IST1: variants seen among roughly 807,000 people sequenced by gnomAD.
The protein encoded by IST1 is IST1 homolog.
Under a neutral mutation model 37.0 loss-of-function variants are expected in IST1, and 23 were observed. That is an observed-to-expected ratio of 0.62 (90% CI 0.45 to 0.88). The LOEUF (loss-of-function observed/expected upper bound fraction) is 0.88, where lower values mean the gene tolerates loss of function less well. Ranked by LOEUF, IST1 falls within the 40% of genes least tolerant of loss-of-function variation. The pLI is 0.00. For synonymous variants in IST1, 180 were observed against 161.7 expected (o/e 1.11, Z -0.86); for missense variants, 488 against 445.4 (o/e 1.10, Z -0.86).
In IST1 at chr16:71,930,147, T is replaced by C; in HGVS notation, c.*2334T>C. ...ACCATCAAGATGACACTGGTGAGGA[T>C]CAGAAAGGTGCCCAGGACTGGGTCT... On this transcript the variant is annotated 3_prime_UTR_variant, in exon 10 of 10. Coordinates refer to ENST00000378799, the MANE Select transcript of IST1 (RefSeq NM_001270975.2). 1 of 1,551,410 alleles carries C rather than the reference T, an allele frequency of 6.4e-7. No individual in the cohort carries two copies. Among genetic ancestry groups the C allele is most frequent in the Non-Finnish European group, 8.7e-7 (1 of 1,146,810 alleles).
chr16:71,924,863 T>TC, intron 9 of IST1, 46 bp downstream of exon 9: 1 of 1,287,194 alleles, frequency 7.8e-7, no homozygotes, highest in Non-Finnish European at 1.1e-6. Flanking sequence ...TGCTGAACCC[T>TC]CTGCTGTTTT....
Position 71,921,954 on chromosome 16 carries a change from G to C in IST1, c.552+501G>C, listed in dbSNP as rs529302643. Reference sequence around the variant, plus strand: ...AGATCGAGACCATCCTGGCTAACACGGTGAAACCCTGTCTCTACTAAAAAT... The same window carrying C: ...AGATCGAGACCATCCTGGCTAACACCGTGAAACCCTGTCTCTACTAAAAAT... On this transcript the variant is annotated intron_variant, in intron 6 of 9. Transcript: ENST00000378799. Among the ~76,000 whole-genome samples, 18 of 152,246 alleles carry C rather than the reference G, an allele frequency of 1.2e-4. No individual in the cohort carries two copies. In the East Asian group the frequency reaches 3.5e-3, roughly 29 times the overall value.
At position 71,900,044 on chromosome 16, in the gene IST1, T is replaced by TA. The variant is rs1223453626; in HGVS notation, c.-16+4457dup. On this transcript the variant is annotated intron_variant, in intron 1 of 9. Transcript: ENST00000378799. ...AGCTGGGCGTGATGGCAGACACCTG[T>TA]AATCCTAGCTACCTGGGAGGTTGAG... Among the ~76,000 whole-genome samples, 3 of 150,280 alleles carry TA rather than the reference T, an allele frequency of 2.0e-5. No homozygotes were observed. The East Asian group carries it at 5.8e-4, about 29-fold the overall frequency.
chr16:71,925,830 T>C (rs8058118), intron 9 of IST1, among the ~76,000 whole-genome samples: 121,229 of 151,642 alleles, frequency 0.8, 48,819 homozygotes, highest in East Asian at 0.98. Flanking sequence ...TGGTATGGAC[T>C]TGTGGTCACA....
rs2037937620 is a variant in IST1 at position 71,931,035 on chromosome 16, T to C, written c.*3222T>C. ...ATCTCTGAGTTTGTGATACAAGACT[T>C]ATTTCCAATAAGTTTATTTTTATGT... On this transcript the variant is annotated 3_prime_UTR_variant, in exon 10 of 10. Coordinates refer to ENST00000378799, the MANE Select transcript of IST1 (RefSeq NM_001270975.2). 6.6e-6 allele frequency: 1 copy of C among 152,262 alleles called. No homozygotes were observed. Among genetic ancestry groups the C allele is most frequent in the Non-Finnish European group, 1.5e-5 (1 of 68,052 alleles). 9.4% of individuals were successfully genotyped at this position (152,262 alleles called of 1,614,324 possible).
At chr16:71,925,275 A>G (rs1187771392) in intron 9 of IST1, among the ~76,000 whole-genome samples, 1 of 150,270 alleles carries the variant, frequency 6.7e-6, no homozygotes, top group Non-Finnish European at 1.5e-5. Flanking sequence ...TTGGCCTCCC[A>G]AAGTGCTTGG....
chr16:71,911,830 C>G (rs2037361659), intron 1 of IST1, among the ~76,000 whole-genome samples: 1 of 151,604 alleles, frequency 6.6e-6, no homozygotes, highest in Admixed American at 6.6e-5. Context: ...GATCCTCCCA[C>G]TCCTGCCTCC....
chr16:71,908,671 A>C (rs150442081), intron 1 of IST1, among the ~76,000 whole-genome samples: 1 of 152,176 alleles, frequency 6.6e-6, no homozygotes, highest in African/African-American at 2.4e-5. Flanking sequence ...AGATTTTCCC[A>C]GTGAGTATCA....
chr16:71,929,960 A>G lies in IST1; in HGVS notation c.*2147A>G, dbSNP rs1281095203. On this transcript the variant is annotated 3_prime_UTR_variant, in exon 10 of 10. Transcript: ENST00000378799. ...TAAAGGGAATATGATACTGTGCATT[A>G]TAAATTATGTCAGCCCGTCATCTTA... The G allele has an allele frequency of 8.7e-6, 12 of 1,379,094 alleles. No homozygotes were observed. Among genetic ancestry groups the G allele is most frequent in the Non-Finnish European group, 1.2e-5 (12 of 1,029,654 alleles). 85.4% of individuals were successfully genotyped at this position (1,379,094 alleles called of 1,614,324 possible).
At chr16:71,894,868 GA>G, upstream of IST1, 2 of 1,524,336 alleles carry the variant, frequency 1.3e-6, no homozygotes, top group South Asian at 1.2e-5. Flanking sequence ...GGTAACCAAG[GA>G]AAAAGTTTTC....
chr16:71,900,028 T>C (rs1240694226), intron 1 of IST1, among the ~76,000 whole-genome samples: 1 of 147,882 alleles, frequency 6.8e-6, no homozygotes, highest in Admixed American at 6.8e-5. Flanking sequence ...TAGCTGGGCG[T>C]GATGGCAGAC....
chr16:71,927,948 C>T lies in IST1; in HGVS notation c.*135C>T, dbSNP rs1042024000. ...CACAACACTCCCTCTGGGCTCTCTT[C>T]CTGCTCCTCCAGATTCTGCTGCTTT... On this transcript the variant is annotated 3_prime_UTR_variant, in exon 10 of 10. Transcript: ENST00000378799. 3.0e-6 allele frequency: 2 copies of T among 659,602 alleles called. No individual in the cohort carries two copies. Among genetic ancestry groups the T allele is most frequent in the East Asian group, 2.7e-5 (1 of 37,484 alleles). The allele number at this position is 659,602 out of a possible 1,614,324, so 40.9% of individuals were successfully genotyped here. A position where few individuals can be genotyped will look rare whatever the true frequency, so the allele number is the denominator to read the frequency against.
rs2037482680 is a variant in IST1 at position 71,917,125 on chromosome 16, G to A, written c.348G>A (p.Glu116=). 6.3e-7 allele frequency: 1 copy of A among 1,599,482 alleles called. No homozygotes were observed. Among genetic ancestry groups the A allele is most frequent in the Non-Finnish European group, 8.6e-7 (1 of 1,167,736 alleles). ...AAPRLQSEVA[E]LKIVADQLCA... is the part of the protein sequence containing the mutation. The stretch of plus-strand genomic sequence containing the variant: ...CTCGACTCCAGTCAGAAGTGGCTGA[G>A]TTGAAAATAGTGAGTACAAGTAGTT... The change falls in exon 4 of 10, where the codon GAG becomes GAA. Residue 116 remains glutamate, a synonymous_variant. Transcript: ENST00000378799.
chr16:71,918,625 C>G (rs1022258884), intron 4 of IST1, among the ~76,000 whole-genome samples: 13 of 152,066 alleles, frequency 8.5e-5, no homozygotes, highest in African/African-American at 3.1e-4. Context: ...ATCATGTTGA[C>G]CAGGCTGGTC....
At chr16:71,913,780 CA>C (rs1276225144) in intron 1 of IST1, among the ~76,000 whole-genome samples, 1 of 152,092 alleles carries the variant, frequency 6.6e-6, no homozygotes, top group Admixed American at 6.5e-5. Context: ...GGATTACAGA[CA>C]TAAGCCACCA....
At chr16:71,904,071 A>G (rs2037167149) in intron 1 of IST1, among the ~76,000 whole-genome samples, 1 of 151,942 alleles carries the variant, frequency 6.6e-6, no homozygotes, top group South Asian at 2.1e-4. Context: ...CTTTCTCTGA[A>G]GTCTACTTTG....
At chr16:71,901,683 TAAC>T (rs2037112332) in intron 1 of IST1, among the ~76,000 whole-genome samples, 1 of 152,222 alleles carries the variant, frequency 6.6e-6, no homozygotes, top group Admixed American at 6.5e-5. Context: ...CCTCAGTACT[TAAC>T]AAAATAGTTT....
At position 71,930,176 on chromosome 16, in the gene IST1, G is replaced by A; in HGVS notation, c.*2363G>A. ...AAAGGTGCCCAGGACTGGGTCTAAAGCGAAAACCTGGGAAAACAATAAGAA... is the reference window on the plus strand; with the variant it reads ...AAAGGTGCCCAGGACTGGGTCTAAAACGAAAACCTGGGAAAACAATAAGAA... On this transcript the variant is annotated 3_prime_UTR_variant, in exon 10 of 10. Coordinates refer to ENST00000378799, the MANE Select transcript of IST1 (RefSeq NM_001270975.2). 7.1e-6 allele frequency: 11 copies of A among 1,541,836 alleles called. No homozygotes were observed. Among genetic ancestry groups the A allele is most frequent in the Non-Finnish European group, 9.6e-6 (11 of 1,143,532 alleles).
intron 1 of IST1, among the ~76,000 whole-genome samples, chr16:71,910,601 G>C (rs573097504): frequency 1.5e-5 from 2 of 137,648 alleles, no homozygotes; most frequent in African/African-American, 5.2e-5. Flanking sequence ...GCAAGACTCT[G>C]TCTCAAAAAA....
Sources: gnomAD v4.1 joint callset for allele counts (sites outside exome capture counted in the v4.1 genomes callset) on GRCh38, gnomAD v4.1.1 for gene constraint, MANE v1.5 for transcripts, NCBI Gene and HGNC (gene_info 2026-07-23, HGNC 2026-07-21) for gene names.